The following THSD7B variants were observed in gnomAD, a reference collection of about 807,000 sequenced individuals.
The protein encoded by THSD7B is thrombospondin type 1 domain containing 7B.
THSD7B carries 138 observed loss-of-function variants against 213.6 expected under a neutral mutation model. The ratio of observed to expected loss-of-function variants is 0.65; its 90% CI spans 0.56 to 0.74. The LOEUF (loss-of-function observed/expected upper bound fraction) is 0.74. THSD7B is among the 30% of genes least tolerant of loss of function. The pLI is 0.00. For missense variants in THSD7B, 1,931 were observed against 1,991.5 expected, an observed-to-expected ratio of 0.97 and a Z score of 0.58; for synonymous variants, 742 against 687.0, an observed-to-expected ratio of 1.08 and a Z score of -1.25.
intron 2 of THSD7B, among the ~76,000 whole-genome samples, chr2:136,983,135 C>T (rs1270503808): frequency 6.6e-6 from 1 of 150,576 alleles, no homozygotes. Flanking sequence ...AGATTAACTT[C>T]TTGGTTTATA....
chr2:137,240,285 A>G (rs555773220), intron 9 of THSD7B, among the ~76,000 whole-genome samples: 1 of 152,312 alleles, frequency 6.6e-6, no homozygotes, highest in South Asian at 2.1e-4. Context: ...CCAAAACAAA[A>G]TTTATTCGTC....
Position 137,663,589 on chromosome 2 carries a change from G to A in THSD7B, c.4651+14G>A, listed in dbSNP as rs778352169. 2.5e-6 allele frequency: 4 copies of A among 1,586,734 alleles called. No individual in the cohort carries two copies. Among genetic ancestry groups the A allele is most frequent in the Non-Finnish European group, 2.6e-6 (3 of 1,166,618 alleles). On this transcript the variant is annotated intron_variant, in intron 26 of 27. Coordinates refer to ENST00000409968, the MANE Select transcript of THSD7B (RefSeq NM_001316349.2). The stretch of plus-strand genomic sequence containing the variant: ...CACTTGATCCAGGTGAGTTTCAGTT[G>A]TGAGTAAGAAATGAAAATTTTCTCA...
Position 137,656,794 on chromosome 2 carries a change from A to G in THSD7B, c.4106-2A>G. On this transcript the variant is annotated splice_acceptor_variant, in intron 22 of 27. Coordinates refer to ENST00000409968, the MANE Select transcript of THSD7B (RefSeq NM_001316349.2). LOFTEE classifies it high-confidence loss of function. The stretch of plus-strand genomic sequence containing the variant: ...TCCACCCTGTACTGCATGACTGTCC[A>G]GGAGACTGCCATTTAACAGAATGGT... 1 of 1,613,434 alleles carries G rather than the reference A, an allele frequency of 6.2e-7. No homozygotes were observed. Among genetic ancestry groups the G allele is most frequent in the Non-Finnish European group, 8.5e-7 (1 of 1,179,560 alleles).
At chr2:137,277,633 C>T (rs1222875905) in intron 12 of THSD7B, among the ~76,000 whole-genome samples, 1 of 152,030 alleles carries the variant, frequency 6.6e-6, no homozygotes, top group East Asian at 1.9e-4. Flanking sequence ...AAATTAGGAG[C>T]CATCGGTAAA....
intron 1 of THSD7B, among the ~76,000 whole-genome samples, chr2:136,795,987 G>T (rs1016624886): frequency 6.6e-6 from 1 of 151,730 alleles, no homozygotes; most frequent in Non-Finnish European, 1.5e-5. Flanking sequence ...AGCCTCATTT[G>T]CATATTACAT....
intron 12 of THSD7B, among the ~76,000 whole-genome samples, chr2:137,385,474 G>C (rs1199448522): frequency 6.6e-6 from 1 of 152,184 alleles, no homozygotes; most frequent in Non-Finnish European, 1.5e-5. Flanking sequence ...TCAGTCCCCT[G>C]TCTAAACTCT....
intron 2 of THSD7B, among the ~76,000 whole-genome samples, chr2:136,950,990 A>G (rs1165589596): frequency 6.6e-6 from 1 of 152,156 alleles, no homozygotes; most frequent in Non-Finnish European, 1.5e-5. Context: ...TTTGGTGGCT[A>G]GATACTGAAA....
intron 2 of THSD7B, among the ~76,000 whole-genome samples, chr2:136,908,210 TTAATAA>T (rs1684199008): frequency 6.6e-6 from 1 of 152,198 alleles, no homozygotes; most frequent in Admixed American, 6.5e-5. Flanking sequence ...ATGTACAAAA[TTAATAA>T]TAAATAAGTC....
At chr2:137,310,659 TC>T (rs1242660194) in intron 12 of THSD7B, among the ~76,000 whole-genome samples, 2 of 152,162 alleles carry the variant, frequency 1.3e-5, no homozygotes, top group Admixed American at 1.3e-4. Context: ...AAGGCTTTAA[TC>T]CATCTTGAAT....
At chr2:137,549,308 CTCTTTT>C (rs141430006) in intron 15 of THSD7B, among the ~76,000 whole-genome samples, 5,061 of 100,116 alleles carry the variant, frequency 0.051, 741 homozygotes, top group African/African-American at 0.2. Flanking sequence ...TTTTCAGATG[CTCTTTT>C]TTTTTTTTTT....
intron 12 of THSD7B, among the ~76,000 whole-genome samples, chr2:137,395,013 G>A (rs1201428998): frequency 1.4e-5 from 2 of 143,854 alleles, no homozygotes; most frequent in African/African-American, 5.2e-5. Context: ...CATTGATTTT[G>A]TATCCTGAGA....
chr2:136,836,080 T>C (rs1682838100), intron 1 of THSD7B, among the ~76,000 whole-genome samples: 1 of 152,190 alleles, frequency 6.6e-6, no homozygotes, highest in Non-Finnish European at 1.5e-5. Flanking sequence ...TTTTCAAATA[T>C]GAAATTAAAG....
rs138664019 is a variant in THSD7B, at chr2:136,832,537, C to G, written c.-35-49607C>G. 6.9e-3 allele frequency among the ~76,000 whole-genome samples: 1,055 copies of G among 152,234 alleles called. 19 individuals carry two copies. The highest frequency in any genetic ancestry group is 0.024 in the African/African-American group (994 of 41,544). ...TTTACTAAATTCACTGATGTAAATG[C>G]TAATTTTATCCAGACACACTCAGAA... On this transcript the variant is annotated intron_variant, in intron 1 of 27. Coordinates refer to ENST00000409968, the MANE Select transcript of THSD7B (RefSeq NM_001316349.2).
At chr2:136,947,176 T>C (rs1034149945) in intron 2 of THSD7B, among the ~76,000 whole-genome samples, 4 of 152,226 alleles carry the variant, frequency 2.6e-5, no homozygotes, top group Admixed American at 1.3e-4. Flanking sequence ...AAGTCTTTCT[T>C]CTACCAGGGA....
At chr2:137,446,299 G>C (rs1457393984) in intron 14 of THSD7B, among the ~76,000 whole-genome samples, 1 of 152,052 alleles carries the variant, frequency 6.6e-6, no homozygotes, top group African/African-American at 2.4e-5. Context: ...GGGAGAGGTT[G>C]TATTAATGAG....
chr2:137,315,364 G>A (rs1049174674), intron 12 of THSD7B, among the ~76,000 whole-genome samples: 1 of 152,076 alleles, frequency 6.6e-6, no homozygotes, highest in African/African-American at 2.4e-5. Flanking sequence ...CCCTGCTTCG[G>A]CTCATGCACA....
intron 2 of THSD7B, among the ~76,000 whole-genome samples, chr2:136,890,407 C>T (rs369978628): frequency 0.23 from 85 of 372 alleles, 13 homozygotes; most frequent in African/African-American, 0.3. Flanking sequence ...CTTCCTCTTC[C>T]TCTTCTTCTT....
chr2:136,897,223 G>A (rs1683975595), intron 2 of THSD7B, among the ~76,000 whole-genome samples: 1 of 152,170 alleles, frequency 6.6e-6, no homozygotes. Flanking sequence ...TCCTTCCGGT[G>A]GGTTCTTGGT....
intron 2 of THSD7B, among the ~76,000 whole-genome samples, chr2:136,896,709 A>G (rs1396911691): frequency 6.6e-6 from 1 of 152,074 alleles, no homozygotes; most frequent in Non-Finnish European, 1.5e-5. Flanking sequence ...CTCATTTCAA[A>G]TTAATTTCTT....
Sources: allele counts gnomAD v4.1 joint callset (sites outside exome capture counted in the v4.1 genomes callset), GRCh38; gene constraint gnomAD v4.1.1; transcripts MANE v1.5; gene names NCBI Gene and HGNC (gene_info 2026-07-23, HGNC 2026-07-21).